The following KIFAP3 variants were observed in gnomAD, a reference collection of about 807,000 sequenced individuals.
The protein encoded by KIFAP3 is kinesin associated protein 3.
A neutral mutation model predicts 106.5 loss-of-function variants in KIFAP3; 68 were observed. The observed-to-expected ratio is 0.64, with a 90% CI of 0.53 to 0.78. KIFAP3 has a LOEUF of 0.78. Ranked by LOEUF, KIFAP3 falls within the 30% of genes least tolerant of loss-of-function variation. The probability of loss-of-function intolerance (pLI) is 0.00; values close to 1 mark genes in which losing one functional copy is unlikely to be tolerated. For synonymous variants in KIFAP3, 320 were observed against 311.5 expected (o/e 1.03, Z -0.29); for missense variants, 780 against 941.8 (o/e 0.83, Z 2.25).
At chr1:170,066,905 C>T (rs2102163958) in intron 1 of KIFAP3, among the ~76,000 whole-genome samples, 1 of 152,148 alleles carries the variant, frequency 6.6e-6, no homozygotes, top group Non-Finnish European at 1.5e-5. Context: ...ATATAATCTT[C>T]TCTGGAAAAA....
chr1:169,973,582 TTA>T (rs1666059643), intron 16 of KIFAP3, among the ~76,000 whole-genome samples: 4 of 149,772 alleles, frequency 2.7e-5, no homozygotes, highest in Admixed American at 2.7e-4. Context: ...AAAGGCCAAG[TTA>T]CTTATAAGGA....
chr1:169,995,154 T>A (rs12137754), intron 10 of KIFAP3, among the ~76,000 whole-genome samples: 2 of 152,014 alleles, frequency 1.3e-5, no homozygotes, highest in Non-Finnish European at 2.9e-5. Context: ...ATTTTTATAC[T>A]GTTGAAGGCA....
chr1:169,994,882 T>A (rs780387155), intron 10 of KIFAP3, among the ~76,000 whole-genome samples: 18 of 152,040 alleles, frequency 1.2e-4, no homozygotes, highest in Non-Finnish European at 2.5e-4. Flanking sequence ...GAGTCAGAGA[T>A]AGGCTCTAAG....
At chr1:169,931,131 G>C (rs1663449830) in intron 19 of KIFAP3, among the ~76,000 whole-genome samples, 1 of 151,888 alleles carries the variant, frequency 6.6e-6, no homozygotes, top group South Asian at 2.1e-4. Flanking sequence ...CGTTGTCCAG[G>C]CTAGTCTCGA....
chr1:170,035,920 T>C (rs1669668501), intron 5 of KIFAP3, among the ~76,000 whole-genome samples: 1 of 151,974 alleles, frequency 6.6e-6, no homozygotes, highest in Admixed American at 6.6e-5. Context: ...TTTTAACATC[T>C]GATTTAATGT....
chr1:170,065,275 G>A (rs1325616931), intron 1 of KIFAP3, among the ~76,000 whole-genome samples: 2 of 151,952 alleles, frequency 1.3e-5, no homozygotes, highest in African/African-American at 4.8e-5. Context: ...ATATTTTTTG[G>A]GGATGACAGA....
intron 1 of KIFAP3, among the ~76,000 whole-genome samples, chr1:170,061,172 T>G (rs1671130561): frequency 6.6e-6 from 1 of 152,122 alleles, no homozygotes; most frequent in African/African-American, 2.4e-5. Flanking sequence ...GGGATCTAAT[T>G]AAACTAAAGA....
intron 5 of KIFAP3, among the ~76,000 whole-genome samples, chr1:170,038,001 T>C (rs530428730): frequency 2.7e-4 from 41 of 152,286 alleles, no homozygotes; most frequent in African/African-American, 9.1e-4. Flanking sequence ...ACATGATATA[T>C]ATATTTATGC....
chr1:169,941,130 C>T lies in KIFAP3; in HGVS notation c.2273+12881G>A, dbSNP rs80334174. ...TGTTTTCATCTTCATCTTTTTTTCA[C>T]ATGCAAACTATTATGTTACAATTTA... On this transcript the variant is annotated intron_variant, in intron 19 of 19. Transcript: ENST00000361580. Among the ~76,000 whole-genome samples, 629 of 152,188 alleles carry T rather than the reference C, an allele frequency of 4.1e-3. 4 individuals carry two copies. Among genetic ancestry groups the T allele is most frequent in the Admixed American group, 7.2e-3 (110 of 15,282 alleles).
intron 19 of KIFAP3, among the ~76,000 whole-genome samples, chr1:169,951,164 T>G (rs2101836672): frequency 6.6e-6 from 1 of 152,080 alleles, no homozygotes; most frequent in Non-Finnish European, 1.5e-5. Flanking sequence ...TTTCATTTGT[T>G]CTATTACCTA....
chr1:170,040,449 T>C (rs925966535), intron 3 of KIFAP3, among the ~76,000 whole-genome samples: 5 of 152,320 alleles, frequency 3.3e-5, no homozygotes, highest in Admixed American at 2.6e-4. Context: ...AATTTTTTCA[T>C]ATTCCTCTAA....
At chr1:170,000,334 A>G (rs1667597309) in intron 10 of KIFAP3, among the ~76,000 whole-genome samples, 1 of 152,164 alleles carries the variant, frequency 6.6e-6, no homozygotes, top group African/African-American at 2.4e-5. Context: ...CAGAGGCTCC[A>G]TGAAAAGATA....
At chr1:170,081,664 C>A (rs556807164) in intron 1 of KIFAP3, among the ~76,000 whole-genome samples, 2 of 152,196 alleles carry the variant, frequency 1.3e-5, no homozygotes, top group Admixed American at 6.5e-5. Context: ...CTTCTCTTAT[C>A]ACATCTCTCT....
At chr1:170,020,095 GTA>G in intron 9 of KIFAP3, among the ~76,000 whole-genome samples, 1 of 152,084 alleles carries the variant, frequency 6.6e-6, no homozygotes, top group African/African-American at 2.4e-5. Context: ...AAATACTTAG[GTA>G]TAAATCTAAC....
chr1:170,024,423 C>T lies in KIFAP3; in HGVS notation c.1015G>A (p.Asp339Asn), dbSNP rs1386873227. Residue 339 changes from aspartate (D) to asparagine (N), a missense_variant, in exon 9 of 20, where the codon GAT becomes AAT. Asp to Asn is a conservative substitution (Grantham distance 23). Coordinates refer to ENST00000361580, the MANE Select transcript of KIFAP3 (RefSeq NM_014970.4). ...GAAAAAGCTTTGTAAGTTACCATAT[C>T]ATTTTTATTCTCCATAAAAATGCTG... ...KLSIFMENKN[D>N]MVEMDIVEKL... 6.4e-7 allele frequency: 1 copy of T among 1,557,638 alleles called. No individual in the cohort carries two copies. The highest frequency in any genetic ancestry group is 1.2e-5 in the South Asian group (1 of 82,218).
In KIFAP3 at chr1:169,970,666, A is replaced by G. The variant is rs139860927; in HGVS notation, c.1983+1847T>C. On this transcript the variant is annotated intron_variant, in intron 17 of 19. Transcript: ENST00000361580. ...AGAATACTAGGAAATCATTATCTAG[A>G]GGTAAAAAGAATTTTAAGACATCAT... Among the ~76,000 whole-genome samples the G allele has an allele frequency of 3.3e-3, 496 of 152,142 alleles. 7 individuals are homozygous for G. Among genetic ancestry groups the G allele is most frequent in the African/African-American group, 0.012 (487 of 41,546 alleles).
chr1:169,961,221 T>C lies in KIFAP3; in HGVS notation c.1998A>G (p.Glu666=). Residue 666 remains glutamate, a synonymous_variant, in exon 18 of 20, where the codon GAA becomes GAG. Coordinates refer to ENST00000361580, the MANE Select transcript of KIFAP3 (RefSeq NM_014970.4). Reference sequence around the variant, plus strand: ...TTTCACTCTGAATTTTCTTAGCCCATTCTTCATCATATTCCTATTGAAAAC... The same window carrying C: ...TTTCACTCTGAATTTTCTTAGCCCACTCTTCATCATATTCCTATTGAAAAC... ...TLDIIAEYDE[E]WAKKIQSEKF... The C allele has an allele frequency of 3.7e-6, 6 of 1,611,644 alleles. No individual in the cohort carries two copies. Among genetic ancestry groups the C allele is most frequent in the Non-Finnish European group, 5.1e-6 (6 of 1,179,262 alleles).
chr1:169,975,178 G>A (rs2101896159), intron 16 of KIFAP3, among the ~76,000 whole-genome samples: 1 of 152,054 alleles, frequency 6.6e-6, no homozygotes, highest in African/African-American at 2.4e-5. Flanking sequence ...AAATAAGGAG[G>A]GCCAACTGTA....
intron 10 of KIFAP3, among the ~76,000 whole-genome samples, chr1:170,004,334 T>C (rs1667826877): frequency 6.6e-6 from 1 of 152,206 alleles, no homozygotes; most frequent in Non-Finnish European, 1.5e-5. Context: ...AATGACTTTC[T>C]TCACAGAATT....
Sources: gnomAD v4.1 joint callset for allele counts (sites outside exome capture counted in the v4.1 genomes callset) on GRCh38, gnomAD v4.1.1 for gene constraint, MANE v1.5 for transcripts, NCBI Gene and HGNC (gene_info 2026-07-23, HGNC 2026-07-21) for gene names.